XKR4: variants seen among roughly 807,000 people sequenced by gnomAD.
XKR4 encodes XK related 4.
A neutral mutation model predicts 53.9 loss-of-function variants in XKR4; 12 were observed. The ratio of observed to expected loss-of-function variants is 0.22; its 90% CI spans 0.14 to 0.36. XKR4 has a LOEUF of 0.36. Ranked by LOEUF, XKR4 falls within the 10% of genes least tolerant of loss-of-function variation. XKR4 has a pLI of 1.00. For missense variants in XKR4, 799 were observed against 859.5 expected, an observed-to-expected ratio of 0.93 and a Z score of 0.88; for synonymous variants, 354 against 362.4, an observed-to-expected ratio of 0.98 and a Z score of 0.26.
chr8:55,290,753 A>C (rs1819007402), intron 1 of XKR4, among the ~76,000 whole-genome samples: 1 of 152,156 alleles, frequency 6.6e-6, no homozygotes, highest in South Asian at 2.1e-4. Flanking sequence ...TTTACCATTG[A>C]GTAAGAAAAT....
intron 2 of XKR4, among the ~76,000 whole-genome samples, chr8:55,383,666 T>C (rs1804266859): frequency 6.6e-6 from 1 of 152,238 alleles, no homozygotes; most frequent in Non-Finnish European, 1.5e-5. Context: ...GTGTTCTAAT[T>C]GTTCATGTAT....
chr8:55,178,440 C>T (rs892535121), intron 1 of XKR4, among the ~76,000 whole-genome samples: 4 of 152,218 alleles, frequency 2.6e-5, no homozygotes, highest in East Asian at 3.9e-4. Flanking sequence ...GGTTACTGAA[C>T]GTCAAACGTT....
At chr8:55,341,045 G>A (rs986248602) in intron 1 of XKR4, among the ~76,000 whole-genome samples, 3 of 152,176 alleles carry the variant, frequency 2.0e-5, no homozygotes, top group African/African-American at 2.4e-5. Context: ...TACTTTTGGA[G>A]GATTTATGTC....
At chr8:55,399,146 C>G (rs1804562631) in intron 2 of XKR4, among the ~76,000 whole-genome samples, 1 of 152,192 alleles carries the variant, frequency 6.6e-6, no homozygotes, top group Non-Finnish European at 1.5e-5. Flanking sequence ...ATTGGAGCCT[C>G]TCTTCTGACA....
chr8:55,455,902 T>C (rs1208349293), intron 2 of XKR4, among the ~76,000 whole-genome samples: 1 of 152,180 alleles, frequency 6.6e-6, no homozygotes, highest in Admixed American at 6.5e-5. Context: ...CTCTGAGTTA[T>C]GCAGACAAAG....
At chr8:55,376,954 T>TCTCA (rs143227509) in intron 2 of XKR4, among the ~76,000 whole-genome samples, 38 of 145,522 alleles carry the variant, frequency 2.6e-4, no homozygotes, top group Admixed American at 6.1e-4. Context: ...AAACACACAC[T>TCTCA]CACACACACA....
At chr8:55,384,247 C>T (rs1416100524) in intron 2 of XKR4, among the ~76,000 whole-genome samples, 1 of 152,048 alleles carries the variant, frequency 6.6e-6, no homozygotes, top group Non-Finnish European at 1.5e-5. Context: ...GTGTTGGAGT[C>T]GGGTCTTCCT....
At chr8:55,267,363 T>C (rs891466412) in intron 1 of XKR4, among the ~76,000 whole-genome samples, 8 of 152,206 alleles carry the variant, frequency 5.3e-5, no homozygotes, top group Non-Finnish European at 2.9e-5. Context: ...TAATGTAAAC[T>C]GCTTTTTCCA....
chr8:55,127,133 C>T (rs923219813), intron 1 of XKR4, among the ~76,000 whole-genome samples: 1 of 152,158 alleles, frequency 6.6e-6, no homozygotes, highest in Non-Finnish European at 1.5e-5. Context: ...AAGATTTCTC[C>T]ACTTTTCACC....
chr8:55,386,750 T>A (rs1323868212), intron 2 of XKR4, among the ~76,000 whole-genome samples: 1 of 152,214 alleles, frequency 6.6e-6, no homozygotes, highest in Admixed American at 6.5e-5. Context: ...GCCAGTGGAC[T>A]TAATGCACCT....
chr8:55,264,757 C>A (rs990930083), intron 1 of XKR4, among the ~76,000 whole-genome samples: 4 of 152,190 alleles, frequency 2.6e-5, no homozygotes, highest in African/African-American at 7.2e-5. Context: ...TGCAATGCAT[C>A]AATATGGTCA....
intron 1 of XKR4, among the ~76,000 whole-genome samples, chr8:55,311,384 A>G (rs1186997776): frequency 6.6e-6 from 1 of 152,178 alleles, no homozygotes; most frequent in African/African-American, 2.4e-5. Flanking sequence ...ACAGAGAAAT[A>G]ATTAGTCAAG....
rs1216564630 is a variant in XKR4 at position 55,503,044 on chromosome 8, A to G, written c.1007-20237A>G. 2.0e-5 allele frequency among the ~76,000 whole-genome samples: 3 copies of G among 151,952 alleles called. No homozygotes were observed. The East Asian group carries it at 5.8e-4, about 29-fold the overall frequency. On this transcript the variant is annotated intron_variant, in intron 2 of 2. Coordinates refer to ENST00000327381, the MANE Select transcript of XKR4 (RefSeq NM_052898.2). ...GGTATATTTCTGGGCTCACTCTTCT[A>G]TTTCATTGGTCTATTTGTCTGTCTT...
At chr8:55,112,373 A>ATC (rs370920958) in intron 1 of XKR4, among the ~76,000 whole-genome samples, 61 of 152,210 alleles carry the variant, frequency 4.0e-4, no homozygotes, top group Non-Finnish European at 7.5e-4. Context: ...ACCACTTGAA[A>ATC]AAGACTTGAG....
intron 1 of XKR4, among the ~76,000 whole-genome samples, chr8:55,320,587 A>G (rs1203601964): frequency 1.3e-5 from 2 of 152,122 alleles, no homozygotes; most frequent in Non-Finnish European, 2.9e-5. Context: ...CCAGATGTTA[A>G]ATTAGGGGCA....
intron 1 of XKR4, among the ~76,000 whole-genome samples, chr8:55,184,056 C>T (rs1355370292): frequency 1.3e-5 from 2 of 152,070 alleles, no homozygotes; most frequent in Non-Finnish European, 2.9e-5. Flanking sequence ...AGTGTGAACA[C>T]GTTTATTCTG....
At chr8:55,325,838 A>G (rs1338922218) in intron 1 of XKR4, among the ~76,000 whole-genome samples, 3 of 152,200 alleles carry the variant, frequency 2.0e-5, no homozygotes, top group Admixed American at 6.5e-5. Context: ...CTATGGGGAA[A>G]TTTTTACAAA....
At chr8:55,292,260 C>G (rs1256811227) in intron 1 of XKR4, among the ~76,000 whole-genome samples, 3 of 152,012 alleles carry the variant, frequency 2.0e-5, no homozygotes, top group Admixed American at 6.6e-5. Context: ...ATTATTCAAA[C>G]CAAGCCAATA....
intron 2 of XKR4, among the ~76,000 whole-genome samples, chr8:55,449,339 G>A (rs1805390581): frequency 6.6e-6 from 1 of 152,184 alleles, no homozygotes; most frequent in East Asian, 1.9e-4. Flanking sequence ...GTTAGGGCTG[G>A]CCGGGCGGTG....
Sources: allele counts gnomAD v4.1 joint callset (sites outside exome capture counted in the v4.1 genomes callset), GRCh38; gene constraint gnomAD v4.1.1; transcripts MANE v1.5; gene names NCBI Gene and HGNC (gene_info 2026-07-23, HGNC 2026-07-21).